CBFA2T2: variants seen among roughly 807,000 people sequenced by gnomAD.
CBFA2T2 encodes protein CBFA2T2.
CBFA2T2 carries 11 observed loss-of-function variants against 62.2 expected under a neutral mutation model. That is an observed-to-expected ratio of 0.18 (90% CI 0.11 to 0.29). The LOEUF is 0.29. Ranked by LOEUF, CBFA2T2 falls within the 10% of genes least tolerant of loss-of-function variation. The probability of loss-of-function intolerance (pLI) is 1.00; values close to 1 mark genes in which losing one functional copy is unlikely to be tolerated. For missense variants in CBFA2T2, 592 were observed against 774.1 expected (o/e 0.76, Z 2.79); for synonymous variants, 295 against 287.5 (o/e 1.03, Z -0.27).
At chr20:33,551,271 C>A in intron 1 of CBFA2T2, among the ~76,000 whole-genome samples, 1 of 150,728 alleles carries the variant, frequency 6.6e-6, no homozygotes, top group East Asian at 1.9e-4. Flanking sequence ...GGCTGGAGTG[C>A]AATGGCGTAA....
intron 1 of CBFA2T2, among the ~76,000 whole-genome samples, chr20:33,533,024 C>T (rs1600937619): frequency 6.6e-6 from 1 of 152,124 alleles, no homozygotes; most frequent in Non-Finnish European, 1.5e-5. Context: ...AACTACACGC[C>T]CCTTCCTGAA....
chr20:33,595,090 G>A (rs1040650211), intron 1 of CBFA2T2, among the ~76,000 whole-genome samples: 3 of 152,164 alleles, frequency 2.0e-5, no homozygotes, highest in Non-Finnish European at 4.4e-5. Flanking sequence ...CAACAGACTT[G>A]GCAATTACAA....
chr20:33,542,822 C>T (rs1008341871), intron 1 of CBFA2T2, among the ~76,000 whole-genome samples: 3 of 151,886 alleles, frequency 2.0e-5, no homozygotes, highest in Admixed American at 6.6e-5. Context: ...CAGGCATATG[C>T]GGCCACACCT....
chr20:33,595,788 C>T (rs529948011), intron 1 of CBFA2T2, among the ~76,000 whole-genome samples: 1 of 152,224 alleles, frequency 6.6e-6, no homozygotes, highest in Admixed American at 6.5e-5. Context: ...GATCCACCTG[C>T]CTCAGCCTCC....
At chr20:33,618,919 T>C (rs2015817814) in intron 3 of CBFA2T2, among the ~76,000 whole-genome samples, 1 of 152,192 alleles carries the variant, frequency 6.6e-6, no homozygotes, top group Non-Finnish European at 1.5e-5. Context: ...AGAAAGGCAG[T>C]GCCCTATTCT....
rs369923354 is a variant in CBFA2T2, at chr20:33,609,201, T to C, written c.179-1893T>C. On this transcript the variant is annotated intron_variant, in intron 2 of 10. Transcript: ENST00000342704. Reference sequence around the variant, plus strand: ...AACATCTATTAAGGCAACACAAATATAGAAATAAACAAGCATAGGCCAGGC... The same window carrying C: ...AACATCTATTAAGGCAACACAAATACAGAAATAAACAAGCATAGGCCAGGC... Among the ~76,000 whole-genome samples, 17 of 152,236 alleles carry C rather than the reference T, an allele frequency of 1.1e-4. No individual in the cohort carries two copies. The East Asian group carries it at 2.7e-3, about 24-fold the overall frequency.
intron 1 of CBFA2T2, among the ~76,000 whole-genome samples, chr20:33,504,745 T>C (rs1218707290): frequency 6.6e-6 from 1 of 152,172 alleles, no homozygotes; most frequent in Non-Finnish European, 1.5e-5. Context: ...TTTTCCAAAA[T>C]GGCTATACCA....
chr20:33,602,727 A>G (rs1025629920), intron 1 of CBFA2T2, among the ~76,000 whole-genome samples: 2 of 152,204 alleles, frequency 1.3e-5, no homozygotes, highest in African/African-American at 2.4e-5. Context: ...AGTAGATGTC[A>G]GCAACCTCAG....
At chr20:33,524,624 C>T (rs2011834259) in intron 1 of CBFA2T2, among the ~76,000 whole-genome samples, 1 of 151,970 alleles carries the variant, frequency 6.6e-6, no homozygotes. Context: ...TCCAGATGCT[C>T]ACTTAAATAC....
chr20:33,622,443 A>C (rs1271878921), intron 4 of CBFA2T2, among the ~76,000 whole-genome samples: 1 of 152,242 alleles, frequency 6.6e-6, no homozygotes, highest in African/African-American at 2.4e-5. Context: ...TTTTTTAATA[A>C]AAATGGGAAA....
chr20:33,642,110 T>TG (rs2016866541), intron 10 of CBFA2T2, among the ~76,000 whole-genome samples: 9 of 77,046 alleles, frequency 1.2e-4, no homozygotes, highest in African/African-American at 6.4e-4. Flanking sequence ...TTTGTCTTTT[T>TG]TTTTTTTGTG....
At chr20:33,629,673 TTGAA>T in intron 7 of CBFA2T2, 42 bp from the exon 8 acceptor site, 1 of 1,543,764 alleles carries the variant, frequency 6.5e-7, no homozygotes, top group Non-Finnish European at 8.8e-7. Flanking sequence ...TGTTGGTTGT[TTGAA>T]TGTTCTTATC....
At chr20:33,543,693 T>C (rs2012464528) in intron 1 of CBFA2T2, among the ~76,000 whole-genome samples, 1 of 152,174 alleles carries the variant, frequency 6.6e-6, no homozygotes, top group Admixed American at 6.6e-5. Context: ...AAAGTGAGTG[T>C]GTGCTGAGGT....
chr20:33,632,971 C>A (rs1224220913), intron 8 of CBFA2T2, among the ~76,000 whole-genome samples: 1 of 151,886 alleles, frequency 6.6e-6, no homozygotes, highest in Non-Finnish European at 1.5e-5. Context: ...GTTTGCCAGG[C>A]TGGTCTCGAA....
chr20:33,508,911 A>G (rs2011453919), intron 1 of CBFA2T2, among the ~76,000 whole-genome samples: 1 of 152,326 alleles, frequency 6.6e-6, no homozygotes, highest in African/African-American at 2.4e-5. Context: ...AATTTATTGT[A>G]TGAGAGTTTG....
At chr20:33,609,030 G>A (rs941566132) in intron 2 of CBFA2T2, among the ~76,000 whole-genome samples, 4 of 152,042 alleles carry the variant, frequency 2.6e-5, no homozygotes, top group Admixed American at 6.5e-5. Flanking sequence ...TTCTCAGCCC[G>A]TTAGTCTGTT....
intron 1 of CBFA2T2, 56 bp downstream of exon 1, chr20:33,490,357 C>T (rs2011137514): frequency 2.4e-6 from 3 of 1,253,696 alleles, no homozygotes; most frequent in Non-Finnish European, 3.0e-6. Flanking sequence ...CCTGCGGCTC[C>T]GCAGGCGCGG....
intron 1 of CBFA2T2, among the ~76,000 whole-genome samples, chr20:33,505,095 A>G (rs2011378686): frequency 6.6e-6 from 1 of 152,178 alleles, no homozygotes. Flanking sequence ...CTTAACTTGT[A>G]TAAGGAGATT....
chr20:33,573,931 C>T, intron 1 of CBFA2T2: 2 of 360,134 alleles, frequency 5.6e-6, no homozygotes, highest in East Asian at 6.7e-5. Context: ...GAGGCATTTG[C>T]CACCATACCT....
Sources: gnomAD v4.1 joint callset for allele counts (sites outside exome capture counted in the v4.1 genomes callset) on GRCh38, gnomAD v4.1.1 for gene constraint, MANE v1.5 for transcripts, NCBI Gene and HGNC (gene_info 2026-07-23, HGNC 2026-07-21) for gene names.